The following TAP2 variants were observed in gnomAD, a reference collection of about 807,000 sequenced individuals.
TAP2 encodes transporter 2, ATP binding cassette subfamily B member.
In TAP2, 49 loss-of-function variants were observed where a neutral mutation model predicts 74.7. The ratio of observed to expected loss-of-function variants is 0.66; its 90% CI spans 0.52 to 0.83. TAP2 has a LOEUF of 0.83. Among genes scored for constraint, TAP2 ranks in the 40% least tolerant of loss-of-function variants. The pLI is 0.00. For missense variants in TAP2, 739 were observed against 859.0 expected (o/e 0.86, Z 1.75); for synonymous variants, 306 against 368.4 (o/e 0.83, Z 1.94).
At position 32,835,693 on chromosome 6, in the gene TAP2, A is replaced by G. The variant is rs771829722; in HGVS notation, c.689T>C (p.Phe230Ser). ...RINLRIREQL[F>S]SSLLRQDLGF... ...GAGGTCCTGGCGCAGCAGGGAGGAG[A>G]AAAGCTGCTCCCGGATCCGCAAGTT... The change falls in exon 4 of 12, where the codon TTC (phenylalanine) becomes TCC (serine). Residue 230 changes from phenylalanine to serine, a missense_variant. Coordinates refer to ENST00000374897, the MANE Select transcript of TAP2 (RefSeq NM_001290043.2). This position sits in a 1 kb window ranked among gnomAD's most constrained non-coding sequence, Gnocchi z 4.0. 6.2e-7 allele frequency: 1 copy of G among 1,613,116 alleles called. No homozygotes were observed. Among genetic ancestry groups the G allele is most frequent in the Non-Finnish European group, 8.5e-7 (1 of 1,180,048 alleles).
chr6:32,830,582 G>A (rs926375755), intron 8 of TAP2, 36 bp downstream of exon 8: 1 of 1,612,500 alleles, frequency 6.2e-7, no homozygotes, highest in Middle Eastern at 1.7e-4. Context: ...TAGCAGCAGA[G>A]AGCAAGGGTC....
chr6:32,826,464 A>G lies in TAP2; in HGVS notation c.*2442T>C. 2.0e-6 allele frequency: 2 copies of G among 985,448 alleles called. No individual in the cohort carries two copies. Among genetic ancestry groups the G allele is most frequent in the Non-Finnish European group, 2.4e-6 (2 of 829,936 alleles). The allele number at this position is 985,448 out of a possible 1,614,324, so 61.0% of individuals were successfully genotyped here. ...AAATGGTGATGGGGGGTAGGAGTGAACAAAAAGAACTCTGGAGCAAACCAG... is the reference window on the plus strand; with the variant it reads ...AAATGGTGATGGGGGGTAGGAGTGAGCAAAAAGAACTCTGGAGCAAACCAG... On this transcript the variant is annotated 3_prime_UTR_variant, in exon 12 of 12. Coordinates refer to ENST00000374897, the MANE Select transcript of TAP2 (RefSeq NM_001290043.2).
chr6:32,827,847 G>C lies in TAP2; in HGVS notation c.*1059C>G. 28 of 865,986 alleles carry C rather than the reference G, an allele frequency of 3.2e-5. 8 individuals carry two copies. Among genetic ancestry groups the C allele is most frequent in the Non-Finnish European group, 3.7e-5 (28 of 752,110 alleles). 53.6% of individuals were successfully genotyped at this position (865,986 alleles called of 1,614,324 possible). On this transcript the variant is annotated 3_prime_UTR_variant, in exon 12 of 12. Transcript: ENST00000374897. The stretch of plus-strand genomic sequence containing the variant: ...TTAGAAAAATGACTTTGTGAAGAAT[G>C]GCCGGAAGAGGGAAGCTAATGGTAG...
downstream of TAP2, among the ~76,000 whole-genome samples, chr6:32,824,922 A>T (rs1768536737): frequency 6.6e-6 from 1 of 151,748 alleles, no homozygotes; most frequent in Admixed American, 6.5e-5. Context: ...TTCATTTCTC[A>T]TTCTGATTTT....
rs1259647567 is a variant in TAP2 at position 32,832,578 on chromosome 6, T to C, written c.1143+49A>G. On this transcript the variant is annotated intron_variant, in intron 6 of 11. Coordinates refer to ENST00000374897, the MANE Select transcript of TAP2 (RefSeq NM_001290043.2). The surrounding 1 kb of genome is among the most constrained non-coding windows in gnomAD (Gnocchi z 5.9). ...AACCAGCTGTAGTTTCCTCTTCCCT[T>C]GCCCTCCCCCTTTCCTGGGCTCCTT... is the stretch of plus-strand genomic sequence containing the variant. 6.2e-7 allele frequency: 1 copy of C among 1,612,950 alleles called. No individual in the cohort carries two copies. The highest frequency in any genetic ancestry group is 8.5e-7 in the Non-Finnish European group (1 of 1,179,936).
chr6:32,827,791 A>G lies in TAP2; in HGVS notation c.*1115T>C. ...CTTGAGAGCACCTGAAGGAATTTCC[A>G]GAAATGCCATCATCGTATGTGACAC... On this transcript the variant is annotated 3_prime_UTR_variant, in exon 12 of 12. Coordinates refer to ENST00000374897, the MANE Select transcript of TAP2 (RefSeq NM_001290043.2). The G allele has an allele frequency of 1.2e-6, 1 of 866,548 alleles. No individual in the cohort carries two copies. The highest frequency in any genetic ancestry group is 6.4e-5 in the South Asian group (1 of 15,582). 53.7% of individuals were successfully genotyped at this position (866,548 alleles called of 1,614,324 possible). A position where few individuals can be genotyped will look rare whatever the true frequency, so the allele number is the denominator to read the frequency against.
At chr6:32,830,514 G>T in intron 8 of TAP2, 74 bp from the exon 9 acceptor site, 2 of 1,593,006 alleles carry the variant, frequency 1.3e-6, no homozygotes, top group Non-Finnish European at 1.7e-6. Flanking sequence ...TCTTAGCAGA[G>T]GCAAGACCAG....
In TAP2 at chr6:32,828,420, A is replaced by G. The variant is rs1006148014; in HGVS notation, c.*486T>C. 1.0e-6 allele frequency: 1 copy of G among 985,928 alleles called. No homozygotes were observed. 61.1% of individuals were successfully genotyped at this position (985,928 alleles called of 1,614,324 possible). A position where few individuals can be genotyped will look rare whatever the true frequency, so the allele number is the denominator to read the frequency against. ...TTTATGTCATTTTTGGTTAATTTCT[A>G]TCTCAAACAACAGATAAACGACTGA... On this transcript the variant is annotated 3_prime_UTR_variant, in exon 12 of 12. Transcript: ENST00000374897.
intron 11 of TAP2, 31 bp downstream of exon 11, chr6:32,829,369 C>G (rs1220610684): frequency 6.4e-7 from 1 of 1,573,552 alleles, no homozygotes; most frequent in South Asian, 1.2e-5. Context: ...CTCCCAGGCC[C>G]CACTGTCCCC....
At chr6:32,829,612 C>T in intron 10 of TAP2, 76 bp from the exon 11 acceptor site, 2 of 1,601,808 alleles carry the variant, frequency 1.2e-6, no homozygotes, top group Non-Finnish European at 1.7e-6. Context: ...AAGTGCACAG[C>T]AGGTACTTCC....
At chr6:32,830,110 C>T (rs778053718) in intron 9 of TAP2, 21 bp from the exon 10 acceptor site, 4 of 1,612,892 alleles carry the variant, frequency 2.5e-6, no homozygotes, top group Non-Finnish European at 3.4e-6. Flanking sequence ...GGGACAGGGG[C>T]AGAGGACTAT....
At chr6:32,829,616 T>A in intron 10 of TAP2, 80 bp from the exon 11 acceptor site, 1 of 1,600,184 alleles carries the variant, frequency 6.2e-7, no homozygotes, top group Non-Finnish European at 8.5e-7. Flanking sequence ...GCACAGCAGG[T>A]ACTTCCAGTA....
Position 32,828,718 on chromosome 6 carries a change from A to G in TAP2, c.*188T>C. ...CCCACCTCTCTACCCCACCAAAAGC[A>G]CACAGTGTCCAAATCTCCATCGTGC... On this transcript the variant is annotated 3_prime_UTR_variant, in exon 12 of 12. Coordinates refer to ENST00000374897, the MANE Select transcript of TAP2 (RefSeq NM_001290043.2). 1.0e-6 allele frequency: 1 copy of G among 970,424 alleles called. No homozygotes were observed. Among genetic ancestry groups the G allele is most frequent in the Non-Finnish European group, 1.2e-6 (1 of 833,160 alleles). The allele number at this position is 970,424 out of a possible 1,614,324, so 60.1% of individuals were successfully genotyped here.
In TAP2 at chr6:32,837,632, G is replaced by C. The variant is rs1270127514; in HGVS notation, c.513C>G (p.His171Gln). Residue 171 changes from histidine (H) to glutamine (Q), a missense_variant, in exon 3 of 12, where the codon CAC (histidine) becomes CAG (glutamine). Physicochemically the swap from His to Gln is conservative, Grantham distance 24. Coordinates refer to ENST00000374897, the MANE Select transcript of TAP2 (RefSeq NM_001290043.2). Reference protein sequence around the residue: ...LAVLGETLIPHYSGRVIDILG... With the variant: ...LAVLGETLIPQYSGRVIDILG... Reference sequence around the variant, plus strand: ...GGATGTCAATCACACGACCAGAATAGTGAGGGATTAATGTCTCACCTGAAA... The same window carrying C: ...GGATGTCAATCACACGACCAGAATACTGAGGGATTAATGTCTCACCTGAAA... 1.2e-6 allele frequency: 2 copies of C among 1,614,016 alleles called. No homozygotes were observed. The highest frequency in any genetic ancestry group is 1.7e-6 in the Non-Finnish European group (2 of 1,180,012).
chr6:32,836,522 C>G (rs3819717), intron 3 of TAP2, among the ~76,000 whole-genome samples: 5 of 151,970 alleles, frequency 3.3e-5, no homozygotes, highest in African/African-American at 1.2e-4. Flanking sequence ...ATGGTTTCAT[C>G]GTTGTATGAA....
chr6:32,824,273 G>A (rs536880704), downstream of TAP2, among the ~76,000 whole-genome samples: 1 of 152,094 alleles, frequency 6.6e-6, no homozygotes, highest in African/African-American at 2.4e-5. Context: ...ACTATGTAAT[G>A]GCTGTCTTTG....
chr6:32,827,729 A>AGTGAAG lies in TAP2; in HGVS notation c.*1176_*1177insCTTCAC, dbSNP rs1562321152. The AGTGAAG allele has an allele frequency of 2.9e-4, 193 of 659,488 alleles. 2 individuals are homozygous for AGTGAAG. The Admixed American group carries it at 3.0e-3, about 10-fold the overall frequency. The allele number at this position is 659,488 out of a possible 1,614,324, so 40.9% of individuals were successfully genotyped here. On this transcript the variant is annotated 3_prime_UTR_variant, in exon 12 of 12. Coordinates refer to ENST00000374897, the MANE Select transcript of TAP2 (RefSeq NM_001290043.2). ...GGAGAGGGTGAGACAGATGGGCTGG[A>AGTGAAG]ACAGTGTGTGCTCTGAAAAGGATCT...
Position 32,832,741 on chromosome 6 carries a change from G to T in TAP2, c.1029C>A (p.Arg343=). ...REAVGGLQTV[R]SFGAEEHEVC... ...CTTCATGCTCCTCGGCCCCAAAACT[G>T]CGAACGGTCTGCAGCCCTCCAACGG... Residue 343 remains arginine (R), a synonymous_variant, in exon 6 of 12, where the codon CGC becomes CGA. Transcript: ENST00000374897. This position sits in a 1 kb window ranked among gnomAD's most constrained non-coding sequence, Gnocchi z 5.9. 6.2e-7 allele frequency: 1 copy of T among 1,613,062 alleles called. No individual in the cohort carries two copies. Among genetic ancestry groups the T allele is most frequent in the Non-Finnish European group, 8.5e-7 (1 of 1,180,028 alleles).
chr6:32,834,152 G>T (rs1268781424), intron 5 of TAP2, among the ~76,000 whole-genome samples: 1 of 152,154 alleles, frequency 6.6e-6, no homozygotes, highest in Non-Finnish European at 1.5e-5. Context: ...ATACCCAAAA[G>T]AACCAAAAGC....
Sources: allele counts gnomAD v4.1 joint callset (sites outside exome capture counted in the v4.1 genomes callset), GRCh38; gene constraint gnomAD v4.1.1; non-coding constraint Gnocchi (gnomAD v3.1); transcripts MANE v1.5; gene names NCBI Gene and HGNC (gene_info 2026-07-23, HGNC 2026-07-21).